The following MEDAG variants were observed in gnomAD, a reference collection of about 807,000 sequenced individuals.
MEDAG encodes the protein mesenteric estrogen-dependent adipogenesis protein.
In MEDAG, 25 loss-of-function variants were observed where a neutral mutation model predicts 29.9. That is an observed-to-expected ratio of 0.84 (90% confidence interval 0.61 to 1.17). The LOEUF (loss-of-function observed/expected upper bound fraction) is 1.17. Ranked by LOEUF, MEDAG falls within the 50% of genes most tolerant of loss-of-function variation. The pLI, the probability that MEDAG is intolerant of heterozygous loss-of-function variation, is 0.00. For missense variants in MEDAG, 398 were observed against 372.9 expected (o/e 1.07, Z -0.56); for synonymous variants, 158 against 148.2 (o/e 1.07, Z -0.48).
chr13:30,916,534 G>C (rs1952931166), intron 1 of MEDAG: 1 of 152,298 alleles, frequency 6.6e-6, no homozygotes, highest in Non-Finnish European at 1.5e-5. Flanking sequence ...CTGTGTTTCA[G>C]AGAGACTGCG....
chr13:30,906,487 C>G lies in MEDAG; in HGVS notation c.-29C>G, dbSNP rs1374678878. 1 of 1,461,014 alleles carries G rather than the reference C, an allele frequency of 6.8e-7. No homozygotes were observed. Among genetic ancestry groups the G allele is most frequent in the South Asian group, 1.4e-5 (1 of 70,130 alleles). 90.5% of individuals were successfully genotyped at this position (1,461,014 alleles called of 1,614,324 possible). On this transcript the variant is annotated 5_prime_UTR_variant, in exon 1 of 5. Coordinates refer to ENST00000380482, the MANE Select transcript of MEDAG (RefSeq NM_032849.4). ...GGGGGCTGTAGGCACCGGACGGAAG[C>G]AGGCGGTGTGAGGACCGACGACGCG... is the stretch of plus-strand genomic sequence containing the variant.
intron 1 of MEDAG, among the ~76,000 whole-genome samples, chr13:30,915,230 C>T (rs1484138770): frequency 6.6e-6 from 1 of 152,108 alleles, no homozygotes; most frequent in Admixed American, 6.5e-5. Context: ...TACCTGCCTG[C>T]CTAATGATGA....
chr13:30,906,713 G>C lies in MEDAG; in HGVS notation c.198G>C (p.Ala66=). The part of the protein sequence containing the change: ...VVARPGEPAA[A]RGGFNVFGDG... Reference sequence around the variant, plus strand: ...CCAGGCCCGGGGAGCCGGCGGCGGCGCGGGGGGGCTTCAACGTCTTCGGTG... The same window carrying C: ...CCAGGCCCGGGGAGCCGGCGGCGGCCCGGGGGGGCTTCAACGTCTTCGGTG... The change falls in exon 1 of 5, where the codon GCG becomes GCC. Residue 66 remains alanine, a synonymous_variant. Transcript: ENST00000380482. 1 of 1,516,446 alleles carries C rather than the reference G, an allele frequency of 6.6e-7. No homozygotes were observed. Among genetic ancestry groups the C allele is most frequent in the Non-Finnish European group, 8.8e-7 (1 of 1,141,182 alleles). The allele number at this position is 1,516,446 out of a possible 1,614,324, so 93.9% of individuals were successfully genotyped here.
In MEDAG at chr13:30,906,807, C is replaced by T; in HGVS notation, c.278+14C>T. On this transcript the variant is annotated intron_variant, in intron 1 of 4. Coordinates refer to ENST00000380482, the MANE Select transcript of MEDAG (RefSeq NM_032849.4). Reference sequence around the variant, plus strand: ...CTACATCAAGAGGTGGGTGGCCTCGCCGTGCGCCCTGGCCCGTCGCCTGGT... The same window carrying T: ...CTACATCAAGAGGTGGGTGGCCTCGTCGTGCGCCCTGGCCCGTCGCCTGGT... 1 of 1,461,166 alleles carries T rather than the reference C, an allele frequency of 6.8e-7. No homozygotes were observed. The highest frequency in any genetic ancestry group is 9.0e-7 in the Non-Finnish European group (1 of 1,115,796). 90.5% of individuals were successfully genotyped at this position (1,461,166 alleles called of 1,614,324 possible).
At chr13:30,921,943 T>C (rs1952991448) in intron 4 of MEDAG, 97 bp downstream of exon 4, 2 of 1,298,062 alleles carry the variant, frequency 1.5e-6, no homozygotes, top group Non-Finnish European at 2.1e-6. Flanking sequence ...AGGCAAGACC[T>C]ATTAATGAAA....
At chr13:30,915,053 A>G (rs1952914399) in intron 1 of MEDAG, among the ~76,000 whole-genome samples, 1 of 151,656 alleles carries the variant, frequency 6.6e-6, no homozygotes, top group Non-Finnish European at 1.5e-5. Flanking sequence ...CTGCTCCCCA[A>G]CTCCTCCCGC....
chr13:30,919,839 G>A (rs1313190871), intron 2 of MEDAG, among the ~76,000 whole-genome samples: 1 of 152,170 alleles, frequency 6.6e-6, no homozygotes, highest in African/African-American at 2.4e-5. Flanking sequence ...GAGTAATTAA[G>A]GCCATGGAGC....
rs147350400 is a variant in MEDAG at position 30,921,697 on chromosome 13, C to A, written c.638C>A (p.Ser213Tyr). Residue 213 changes from serine to tyrosine, a missense_variant, in exon 4 of 5, where the codon TCC becomes TAC. Coordinates refer to ENST00000380482, the MANE Select transcript of MEDAG (RefSeq NM_032849.4). ...TTCTATTGGTTTGGGCTCAGTAATT[C>A]CGTTGTAAAAGTAAATGGAAAAGTT... ...DFFYWFGLSN[S>Y]VVKVNGKVLN... 2.6e-4 allele frequency: 424 copies of A among 1,613,992 alleles called. 1 individual carries two copies. The East Asian group carries it at 7.6e-3, about 29-fold the overall frequency.
intron 1 of MEDAG, among the ~76,000 whole-genome samples, chr13:30,911,780 C>A (rs1952884711): frequency 6.6e-6 from 1 of 152,164 alleles, no homozygotes; most frequent in Non-Finnish European, 1.5e-5. Flanking sequence ...TGTCTTAGAC[C>A]AGTGCTTCTC....
At chr13:30,916,596 A>G (rs1445517723) in intron 1 of MEDAG, 2 of 152,264 alleles carry the variant, frequency 1.3e-5, no homozygotes, top group Non-Finnish European at 2.9e-5. Context: ...CTACATCCAC[A>G]TGGCATCTGA....
chr13:30,922,311 A>G (rs989307672), intron 4 of MEDAG: 2 of 144,532 alleles, frequency 1.4e-5, no homozygotes, highest in African/African-American at 5.2e-5. Flanking sequence ...GCTGGAGTTC[A>G]GTGGTGTGAT....
chr13:30,921,753 A>G lies in MEDAG; in HGVS notation c.694A>G (p.Lys232Glu), dbSNP rs1187877068. 7 of 1,613,996 alleles carry G rather than the reference A, an allele frequency of 4.3e-6. No individual in the cohort carries two copies. Among genetic ancestry groups the G allele is most frequent in the Non-Finnish European group, 5.9e-6 (7 of 1,179,974 alleles). ...LNLSSTSPEK[K>E]ETIKLFLEKM... ...TTTGTCAAGTACAAGTCCAGAAAAG[A>G]AGGAGACGATTAAGTTATTTCTGGA... Residue 232 changes from lysine (K) to glutamate (E), a missense_variant, in exon 4 of 5, where the codon AAG (lysine) becomes GAG (glutamate). By Grantham distance (56) the Lys-to-Glu change is moderately conservative (BLOSUM62 1). Transcript: ENST00000380482.
intron 1 of MEDAG, chr13:30,909,022 G>A (rs1334493902): frequency 6.6e-6 from 1 of 151,674 alleles, no homozygotes; most frequent in Non-Finnish European, 1.5e-5. Flanking sequence ...GCCGAGGTGG[G>A]AGGTGGATGG....
intron 2 of MEDAG, among the ~76,000 whole-genome samples, chr13:30,920,734 G>T (rs887489509): frequency 1.3e-5 from 2 of 152,128 alleles, no homozygotes; most frequent in Admixed American, 6.5e-5. Context: ...TGGAATTTTT[G>T]ATTTCTGAGA....
intron 4 of MEDAG, 55 bp from the exon 5 acceptor site, chr13:30,924,256 G>GTTTT: frequency 1.3e-6 from 2 of 1,488,386 alleles, no homozygotes; most frequent in Non-Finnish European, 1.8e-6. Flanking sequence ...GGCACTGTTG[G>GTTTT]TTTTTTTTTC....
intron 2 of MEDAG, among the ~76,000 whole-genome samples, chr13:30,919,420 T>C (rs1341159541): frequency 6.6e-6 from 1 of 152,224 alleles, no homozygotes; most frequent in Non-Finnish European, 1.5e-5. Flanking sequence ...TTAGGCAGTG[T>C]ACAACCTGCC....
chr13:30,922,365 C>T (rs1414501208), intron 4 of MEDAG: 1 of 151,226 alleles, frequency 6.6e-6, no homozygotes, highest in Non-Finnish European at 1.5e-5. Context: ...AAGTGATTCT[C>T]CTGCCTCAGC....
In MEDAG at chr13:30,917,427, T is replaced by C; in HGVS notation, c.303T>C (p.Cys101=). The change falls in exon 2 of 5, where the codon TGT becomes TGC. Residue 101 remains cysteine (C), a synonymous_variant. Transcript: ENST00000380482. ...IKRYVELTNY[C]DYKDYRETIL... is the part of the protein sequence containing the mutation. Reference sequence around the variant, plus strand: ...GGTATGTGGAACTGACCAACTACTGTGATTATAAAGACTACAGGGAAACTA... The same window carrying C: ...GGTATGTGGAACTGACCAACTACTGCGATTATAAAGACTACAGGGAAACTA... The C allele has an allele frequency of 6.2e-7, 1 of 1,607,818 alleles. No individual in the cohort carries two copies. The highest frequency in any genetic ancestry group is 1.1e-5 in the South Asian group (1 of 90,958).
At chr13:30,913,996 T>C (rs1344625393) in intron 1 of MEDAG, among the ~76,000 whole-genome samples, 2 of 152,090 alleles carry the variant, frequency 1.3e-5, no homozygotes, top group African/African-American at 4.8e-5. Context: ...GAGCCAAGAC[T>C]GTGCCAGTGC....
Sources: allele counts gnomAD v4.1 joint callset (sites outside exome capture counted in the v4.1 genomes callset), GRCh38; gene constraint gnomAD v4.1.1; transcripts MANE v1.5; gene names NCBI Gene and HGNC (gene_info 2026-07-23, HGNC 2026-07-21).